Variants in KIAA0753 observed in about 807,000 individuals in gnomAD.
KIAA0753 encodes the protein KIAA0753.
KIAA0753 carries 114 observed loss-of-function variants against 116.9 expected under a neutral mutation model. That is an observed-to-expected ratio of 0.98 (90% CI 0.84 to 1.14). KIAA0753 has a LOEUF of 1.14. Ranked by LOEUF, KIAA0753 falls within the 50% of genes most tolerant of loss-of-function variation. KIAA0753 has a pLI of 0.00. For missense variants in KIAA0753, 1,156 were observed against 1,172.4 expected (o/e 0.99, Z 0.20); for synonymous variants, 405 against 413.1 (o/e 0.98, Z 0.24).
chr17:6,597,499 A>T (rs1471967175), intron 14 of KIAA0753, among the ~76,000 whole-genome samples: 1 of 152,226 alleles, frequency 6.6e-6, no homozygotes, highest in Non-Finnish European at 1.5e-5. Context: ...TAAATAAAGA[A>T]GCAGAGTATA....
intron 12 of KIAA0753, chr17:6,601,071 C>T (rs1475959782): frequency 6.6e-6 from 1 of 152,550 alleles, no homozygotes; most frequent in Admixed American, 6.5e-5. Context: ...ACTTCTAGGG[C>T]CAGCAGTGGG....
chr17:6,622,873 A>G lies in KIAA0753; in HGVS notation c.1104+9T>C. The G allele has an allele frequency of 6.2e-7, 1 of 1,607,262 alleles. No homozygotes were observed. The highest frequency in any genetic ancestry group is 8.5e-7 in the Non-Finnish European group (1 of 1,173,958). ...GCACCTCTAACAAAAATTGGAATTA[A>G]TTCCATACCTCAATTTGTTGCAGAA... is the stretch of plus-strand genomic sequence containing the variant. On this transcript the variant is annotated intron_variant, in intron 6 of 18. Coordinates refer to ENST00000361413, the MANE Select transcript of KIAA0753 (RefSeq NM_014804.3).
chr17:6,610,290 G>T, intron 8 of KIAA0753, 130 bp from the exon 9 acceptor site: 1 of 775,176 alleles, frequency 1.3e-6, no homozygotes, highest in Non-Finnish European at 1.8e-6. Flanking sequence ...TGAGTAGAAA[G>T]CACTGTGGCA....
chr17:6,580,617 A>G (rs541376547), intron 18 of KIAA0753, among the ~76,000 whole-genome samples: 1 of 152,244 alleles, frequency 6.6e-6, no homozygotes, highest in East Asian at 1.9e-4. Flanking sequence ...TGCCCGGCCA[A>G]GATACTTTTG....
intron 14 of KIAA0753, among the ~76,000 whole-genome samples, chr17:6,598,592 C>T (rs1221238448): frequency 6.6e-6 from 1 of 152,180 alleles, no homozygotes; most frequent in Admixed American, 6.5e-5. Flanking sequence ...AAATATCTTT[C>T]CAAACTCCAC....
At chr17:6,601,271 C>T (rs12939954) in intron 12 of KIAA0753, among the ~76,000 whole-genome samples, 2,119 of 152,326 alleles carry the variant, frequency 0.014, 16 homozygotes, top group East Asian at 0.025. Context: ...CCGCCTCTTT[C>T]CAACTCTAGG....
intron 18 of KIAA0753, among the ~76,000 whole-genome samples, chr17:6,584,718 C>T (rs552009621): frequency 2.0e-5 from 3 of 152,208 alleles, no homozygotes; most frequent in East Asian, 1.9e-4. Context: ...GGAAGTTCCA[C>T]GGTAGAGTCT....
At chr17:6,595,460 G>C (rs1292500185) in intron 15 of KIAA0753, among the ~76,000 whole-genome samples, 1 of 151,994 alleles carries the variant, frequency 6.6e-6, no homozygotes, top group Non-Finnish European at 1.5e-5. Flanking sequence ...TCAAGACTGG[G>C]GTAAACTGCG....
chr17:6,600,580 G>C, intron 12 of KIAA0753, 122 bp from the exon 13 acceptor site: 1 of 680,070 alleles, frequency 1.5e-6, no homozygotes, highest in Non-Finnish European at 2.5e-6. Flanking sequence ...ACCGTTCATG[G>C]CCATATCAAT....
At chr17:6,600,598 G>C (rs891648227) in intron 12 of KIAA0753, 140 bp from the exon 13 acceptor site, 1 of 624,888 alleles carries the variant, frequency 1.6e-6, no homozygotes, top group African/African-American at 1.9e-5. Flanking sequence ...AATCTCCTGG[G>C]GATCTTGTGA....
chr17:6,609,341 G>A (rs905025315), intron 9 of KIAA0753, among the ~76,000 whole-genome samples: 7 of 152,276 alleles, frequency 4.6e-5, no homozygotes, highest in Admixed American at 3.3e-4. Context: ...CACGGCAAAC[G>A]AGCTCCCCTT....
Position 6,590,399 on chromosome 17 carries a change from T to C in KIAA0753, c.2561+111A>G, listed in dbSNP as rs537662792. 1.2e-4 allele frequency: 159 copies of C among 1,325,052 alleles called. 1 individual carries two copies. The East Asian group carries it at 3.7e-3, about 31-fold the overall frequency. 82.1% of individuals were successfully genotyped at this position (1,325,052 alleles called of 1,614,324 possible). The stretch of plus-strand genomic sequence containing the variant: ...GCCATCTTGGAGTTTGGCAAGATCT[T>C]GCTCAAAGGAAGAATTTCTGTCTGT... On this transcript the variant is annotated intron_variant, in intron 17 of 18. Transcript: ENST00000361413.
At chr17:6,634,351 G>A (rs1041574599) in intron 2 of KIAA0753, among the ~76,000 whole-genome samples, 6 of 152,120 alleles carry the variant, frequency 3.9e-5, no homozygotes, top group South Asian at 2.1e-4. Flanking sequence ...TGATCCGCCC[G>A]CCTGGACCTC....
At chr17:6,624,975 G>C (rs1971572009) in intron 3 of KIAA0753, 114 bp from the exon 4 acceptor site, 2 of 717,450 alleles carry the variant, frequency 2.8e-6, no homozygotes, top group African/African-American at 3.6e-5. Context: ...GTTTTATTAA[G>C]AAAAAAATGA....
intron 12 of KIAA0753, among the ~76,000 whole-genome samples, chr17:6,604,409 A>C (rs74527038): frequency 0.075 from 11,461 of 152,014 alleles, 819 homozygotes; most frequent in African/African-American, 0.18. Flanking sequence ...GAAGAGGTAC[A>C]TGGTTAAACT....
At chr17:6,599,698 C>T (rs1223790125) in intron 13 of KIAA0753, among the ~76,000 whole-genome samples, 1 of 151,934 alleles carries the variant, frequency 6.6e-6, no homozygotes, top group Non-Finnish European at 1.5e-5. Context: ...CTTCCTAGTT[C>T]TATGCTACTG....
intron 18 of KIAA0753, among the ~76,000 whole-genome samples, chr17:6,587,948 T>A (rs1042721669): frequency 1.3e-5 from 2 of 151,608 alleles, no homozygotes; most frequent in Admixed American, 1.3e-4. Context: ...AACCTAAGAG[T>A]CTGTAAGTGG....
chr17:6,598,351 T>C (rs1969619234), intron 14 of KIAA0753, among the ~76,000 whole-genome samples: 1 of 152,218 alleles, frequency 6.6e-6, no homozygotes, highest in South Asian at 2.1e-4. Flanking sequence ...CATCAGATTA[T>C]GTCATAAAAC....
intron 18 of KIAA0753, among the ~76,000 whole-genome samples, chr17:6,587,422 A>G (rs955674010): frequency 7.2e-5 from 11 of 152,156 alleles, no homozygotes; most frequent in Non-Finnish European, 1.3e-4. Context: ...TTTTCCCTAC[A>G]TCCACCTAAC....
Sources: allele counts gnomAD v4.1 joint callset (sites outside exome capture counted in the v4.1 genomes callset), GRCh38; gene constraint gnomAD v4.1.1; transcripts MANE v1.5; gene names NCBI Gene and HGNC (gene_info 2026-07-23, HGNC 2026-07-21).